The following SLC16A3 variants were observed in gnomAD, a reference collection of about 807,000 sequenced individuals.
SLC16A3 encodes solute carrier family 16 member 3, also known as monocarboxylate transporter 4.
In SLC16A3, 22 loss-of-function variants were observed where a neutral mutation model predicts 25.0. The ratio of observed to expected loss-of-function variants is 0.88; its 90% CI spans 0.63 to 1.26. The LOEUF (loss-of-function observed/expected upper bound fraction) is 1.26. Among genes scored for constraint, SLC16A3 ranks in the 50% most tolerant of loss-of-function variants. The probability of loss-of-function intolerance (pLI) is 0.00; values close to 1 mark genes in which losing one functional copy is unlikely to be tolerated. For synonymous variants in SLC16A3, 390 were observed against 309.2 expected, an observed-to-expected ratio of 1.26 and a Z score of -2.74; for missense variants, 731 against 666.6, an observed-to-expected ratio of 1.10 and a Z score of -1.06.
chr17:82,235,782 G>A (rs753818011), intron 1 of SLC16A3: 9 of 593,062 alleles, frequency 1.5e-5, no homozygotes, highest in Non-Finnish European at 2.7e-5. Context: ...GCAGTGCAGA[G>A]GGAGTGGGAC....
Position 82,237,727 on chromosome 17 carries a change from C to T in SLC16A3, c.957C>T (p.Gly319=), listed in dbSNP as rs1442245382. Residue 319 remains glycine, a synonymous_variant, in exon 4 of 5, where the codon GGC becomes GGT. Coordinates refer to ENST00000582743, the MANE Select transcript of SLC16A3 (RefSeq NM_004207.4). ...DLAGSTAGDY[G]GLVVFCIFFG... ...CGGGTTCTACGGCGGGCGACTACGGCGGCCTCGTGGTCTTCTGCATCTTCT... is the reference window on the plus strand; with the variant it reads ...CGGGTTCTACGGCGGGCGACTACGGTGGCCTCGTGGTCTTCTGCATCTTCT... 6.2e-6 allele frequency: 10 copies of T among 1,611,954 alleles called. No homozygotes were observed. The highest frequency in any genetic ancestry group is 2.2e-5 in the East Asian group (1 of 44,890).
intron 1 of SLC16A3, among the ~76,000 whole-genome samples, chr17:82,233,430 C>T (rs567937320): frequency 2.0e-5 from 3 of 152,308 alleles, no homozygotes; most frequent in African/African-American, 4.8e-5. Context: ...CTGCCCCAAC[C>T]CTCTGCCAGC....
chr17:82,227,572 G>GAGC (rs1555786734), upstream of SLC16A3, among the ~76,000 whole-genome samples: 26 of 143,580 alleles, frequency 1.8e-4, no homozygotes, highest in African/African-American at 5.5e-4. Context: ...AGGAAGATGG[G>GAGC]AGCACCACCT....
intron 1 of SLC16A3, among the ~76,000 whole-genome samples, chr17:82,221,494 G>A (rs1185911502): frequency 1.3e-5 from 2 of 152,036 alleles, no homozygotes; most frequent in East Asian, 1.9e-4. Context: ...GTGTGAACCC[G>A]GGAGGTGAAG....
At chr17:82,233,741 A>C (rs2050538381) in intron 1 of SLC16A3, 1 of 152,258 alleles carries the variant, frequency 6.6e-6, no homozygotes, top group African/African-American at 2.4e-5. Flanking sequence ...GCAACCCCAA[A>C]CAAGCTGGGG....
intron 1 of SLC16A3, among the ~76,000 whole-genome samples, chr17:82,222,635 C>T (rs1299500054): frequency 7.2e-5 from 11 of 151,996 alleles, no homozygotes; most frequent in African/African-American, 2.4e-4. Flanking sequence ...GAAACCCTGT[C>T]GCTACTAAAA....
intron 4 of SLC16A3, 123 bp from the exon 5 acceptor site, chr17:82,238,579 C>A: frequency 1.0e-6 from 1 of 999,086 alleles, no homozygotes; most frequent in Non-Finnish European, 1.4e-6. Flanking sequence ...CCCAGCCCCA[C>A]AAGCTCAGAG....
At chr17:82,237,995 G>A (rs961492810) in intron 4 of SLC16A3, 102 bp downstream of exon 4, 1 of 1,358,266 alleles carries the variant, frequency 7.4e-7, no homozygotes, top group Non-Finnish European at 1.0e-6. Flanking sequence ...CACCCGCAGT[G>A]TGGGACTCAG....
At chr17:82,238,084 C>T (rs934712108) in intron 4 of SLC16A3, among the ~76,000 whole-genome samples, 191 bp downstream of exon 4, 11 of 152,270 alleles carry the variant, frequency 7.2e-5, no homozygotes, top group Admixed American at 2.6e-4. Flanking sequence ...TGGGGTGCTC[C>T]GTCCGGCACA....
Position 82,218,234 on chromosome 17 carries a change from G to A in SLC16A3, c.-27+50G>A, listed in dbSNP as rs569186524. ...CAGCCTCAGTCACTGGGGGGTGGAC[G>A]GCCAAGGGGAGCCCAGCCTCGGTCA... is the stretch of plus-strand genomic sequence containing the variant. On this transcript the variant is annotated intron_variant, in intron 1 of 4. Transcript: ENST00000580098. 2.8e-3 allele frequency among the ~76,000 whole-genome samples: 389 copies of A among 141,282 alleles called. 29 individuals carry two copies. The highest frequency in any genetic ancestry group is 4.2e-3 in the Non-Finnish European group (272 of 65,072). The allele number at this position is 141,282 out of a possible 152,430, so 92.7% of individuals were successfully genotyped here. A position where few individuals can be genotyped will look rare whatever the true frequency, so the allele number is the denominator to read the frequency against.
rs995359861 is a variant in SLC16A3, at chr17:82,239,116, G to C, written c.*140G>C. The stretch of plus-strand genomic sequence containing the variant: ...GGCCCAGCGGATCGTCGCCCGATCA[G>C]TGTTTTGAGGGGGAAGGTGGCGGGG... On this transcript the variant is annotated 3_prime_UTR_variant, in exon 5 of 5. Coordinates refer to ENST00000582743, the MANE Select transcript of SLC16A3 (RefSeq NM_004207.4). 7 of 784,156 alleles carry C rather than the reference G, an allele frequency of 8.9e-6. No individual in the cohort carries two copies. The highest frequency in any genetic ancestry group is 7.0e-5 in the African/African-American group (4 of 57,140). 48.6% of individuals were successfully genotyped at this position (784,156 alleles called of 1,614,324 possible).
At chr17:82,228,428 G>A (rs1483629468), upstream of SLC16A3, 2 of 152,356 alleles carry the variant, frequency 1.3e-5, no homozygotes, top group African/African-American at 2.4e-5. Context: ...GGAAGTTCAG[G>A]GAGGGCGAGG....
chr17:82,226,256 G>A (rs2050421095), upstream of SLC16A3, among the ~76,000 whole-genome samples: 1 of 152,124 alleles, frequency 6.6e-6, no homozygotes, highest in South Asian at 2.1e-4. Context: ...GGCGTCCTGT[G>A]AAGCTGCTCA....
chr17:82,234,059 C>G (rs954069768), intron 1 of SLC16A3: 3 of 151,666 alleles, frequency 2.0e-5, no homozygotes, highest in East Asian at 1.9e-4. Context: ...CCAGGATGGT[C>G]TCGATCTCCT....
chr17:82,237,708 C>G lies in SLC16A3; in HGVS notation c.938C>G (p.Ser313Cys). The change falls in exon 4 of 5, where the codon TCT becomes TGT. Residue 313 changes from serine (S) to cysteine (C), a missense_variant. Physicochemically the swap from Ser to Cys is moderately radical, Grantham distance 112. Coordinates refer to ENST00000582743, the MANE Select transcript of SLC16A3 (RefSeq NM_004207.4). ...AACGGCCTCGCGGACCTGGCGGGTTCTACGGCGGGCGACTACGGCGGCCTC... is the reference window on the plus strand; with the variant it reads ...AACGGCCTCGCGGACCTGGCGGGTTGTACGGCGGGCGACTACGGCGGCCTC... ...FFNGLADLAG[S>C]TAGDYGGLVV... 3.1e-6 allele frequency: 5 copies of G among 1,612,458 alleles called. No individual in the cohort carries two copies. Among genetic ancestry groups the G allele is most frequent in the Non-Finnish European group, 4.2e-6 (5 of 1,179,888 alleles).
Position 82,238,729 on chromosome 17 carries a change from A to G in SLC16A3, c.1151A>G (p.Tyr384Cys). The G allele has an allele frequency of 8.7e-6, 14 of 1,612,014 alleles. No individual in the cohort carries two copies. The highest frequency in any genetic ancestry group is 1.2e-5 in the Non-Finnish European group (14 of 1,179,702). ...AAACTCCTGGATGCGACCCACGTCT[A>G]CATGTACGTGTTCATCCTGGCGGGG... The part of the protein sequence containing the change: ...GGKLLDATHV[Y>C]MYVFILAGAE... The change falls in exon 5 of 5, where the codon TAC becomes TGC. Residue 384 changes from tyrosine (Y) to cysteine (C), a missense_variant. Transcript: ENST00000582743.
At chr17:82,226,238 C>T (rs1000183770), upstream of SLC16A3, among the ~76,000 whole-genome samples, 1 of 151,962 alleles carries the variant, frequency 6.6e-6, no homozygotes, top group Non-Finnish European at 1.5e-5. Flanking sequence ...GCTGTGGGGT[C>T]AGAGGGGGGC....
upstream of SLC16A3, among the ~76,000 whole-genome samples, chr17:82,228,077 G>A (rs983099981): frequency 3.9e-5 from 6 of 152,204 alleles, no homozygotes; most frequent in Admixed American, 2.0e-4. Flanking sequence ...CGAAGCCCCC[G>A]GGTCCGGGAG....
In SLC16A3 at chr17:82,239,956, G is replaced by A; in HGVS notation, c.*980G>A. 1 of 1,229,486 alleles carries A rather than the reference G, an allele frequency of 8.1e-7. No individual in the cohort carries two copies. The highest frequency in any genetic ancestry group is 1.0e-6 in the Non-Finnish European group (1 of 984,064). The allele number at this position is 1,229,486 out of a possible 1,614,324, so 76.2% of individuals were successfully genotyped here. A position where few individuals can be genotyped will look rare whatever the true frequency, so the allele number is the denominator to read the frequency against. On this transcript the variant is annotated 3_prime_UTR_variant, in exon 5 of 5. Coordinates refer to ENST00000582743, the MANE Select transcript of SLC16A3 (RefSeq NM_004207.4). ...AGTGGCCTGCGTGGCTGGGAGCCCGGTCAGAGGCCGCCGGGGCCCTCAGTA... is the reference window on the plus strand; with the variant it reads ...AGTGGCCTGCGTGGCTGGGAGCCCGATCAGAGGCCGCCGGGGCCCTCAGTA...
Sources: gnomAD v4.1 joint callset for allele counts (sites outside exome capture counted in the v4.1 genomes callset) on GRCh38, gnomAD v4.1.1 for gene constraint, MANE v1.5 for transcripts, NCBI Gene and HGNC (gene_info 2026-07-23, HGNC 2026-07-21) for gene names.